Variants in FANCC observed in about 807,000 individuals in gnomAD.
The protein encoded by FANCC is FA complementation group C, also known as Fanconi anemia group C protein.
A neutral mutation model predicts 71.3 loss-of-function variants in FANCC; 55 were observed. The observed-to-expected ratio is 0.77, with a 90% CI of 0.62 to 0.97. The LOEUF (loss-of-function observed/expected upper bound fraction) is 0.97, where lower values mean the gene tolerates loss of function less well. Among genes scored for constraint, FANCC ranks in the 50% least tolerant of loss-of-function variants. The probability of loss-of-function intolerance (pLI) is 0.00; values close to 1 mark genes in which losing one functional copy is unlikely to be tolerated. For missense variants in FANCC, 678 were observed against 670.9 expected, an observed-to-expected ratio of 1.01 and a Z score of -0.12; for synonymous variants, 275 against 244.9, an observed-to-expected ratio of 1.12 and a Z score of -1.15.
chr9:95,272,625 G>A (rs905157229), intron 1 of FANCC, among the ~76,000 whole-genome samples: 6 of 152,138 alleles, frequency 3.9e-5, no homozygotes, highest in Non-Finnish European at 8.8e-5. Flanking sequence ...AACCCGAGAC[G>A]TGGAGGTTGC....
chr9:95,277,030 A>AT (rs1833080592), intron 1 of FANCC, among the ~76,000 whole-genome samples: 1 of 152,328 alleles, frequency 6.6e-6, no homozygotes, highest in Admixed American at 6.5e-5. Context: ...ATCGCTGAAA[A>AT]TATCAAATCC....
intron 13 of FANCC, chr9:95,107,645 G>GCAGT: frequency 2.6e-6 from 1 of 389,560 alleles, no homozygotes; most frequent in South Asian, 2.5e-5. Flanking sequence ...AAAGCCCCAC[G>GCAGT]CAGTCAGACC....
chr9:95,294,218 GC>G (rs1834237919), intron 1 of FANCC: 2 of 1,591,348 alleles, frequency 1.3e-6, no homozygotes, highest in Non-Finnish European at 1.7e-6. Context: ...CTCCCATCTG[GC>G]CCAGCCCAGA....
chr9:95,173,411 A>G (rs967114263), intron 4 of FANCC, among the ~76,000 whole-genome samples: 2 of 152,164 alleles, frequency 1.3e-5, no homozygotes, highest in African/African-American at 4.8e-5. Context: ...CCTTATAGAA[A>G]GCAACTTGAA....
chr9:95,305,385 T>C (rs1835015264), intron 1 of FANCC, among the ~76,000 whole-genome samples: 1 of 152,102 alleles, frequency 6.6e-6, no homozygotes, highest in South Asian at 2.1e-4. Flanking sequence ...AAGTGGAAAC[T>C]AAGAAGAAAA....
chr9:95,112,792 C>A (rs1318375328), intron 12 of FANCC, among the ~76,000 whole-genome samples: 1 of 152,220 alleles, frequency 6.6e-6, no homozygotes, highest in South Asian at 2.1e-4. Flanking sequence ...CATGTGGCCA[C>A]CTGAAAGGTA....
chr9:95,210,525 CACACAT>C (rs1044595050), intron 4 of FANCC, among the ~76,000 whole-genome samples: 2 of 152,154 alleles, frequency 1.3e-5, no homozygotes, highest in Non-Finnish European at 2.9e-5. Context: ...GCTTTACACA[CACACAT>C]ACACATACAC....
At chr9:95,315,476 C>T (rs1387067901) in intron 1 of FANCC, among the ~76,000 whole-genome samples, 1 of 152,198 alleles carries the variant, frequency 6.6e-6, no homozygotes. Context: ...CTTCCGCCTC[C>T]GCTTCCCAAA....
intron 4 of FANCC, among the ~76,000 whole-genome samples, chr9:95,174,244 G>A (rs1825871518): frequency 6.6e-6 from 1 of 152,110 alleles, no homozygotes; most frequent in South Asian, 2.1e-4. Context: ...CACTATGAAT[G>A]CTGTGTCTTC....
At chr9:95,162,416 T>C (rs1344922422) in intron 6 of FANCC, among the ~76,000 whole-genome samples, 2 of 152,242 alleles carry the variant, frequency 1.3e-5, no homozygotes, top group Non-Finnish European at 2.9e-5. Flanking sequence ...TCAATGAACA[T>C]GGGTGTGCAA....
rs142220731 is a variant in FANCC, at chr9:95,239,134, T to C, written c.345+1515A>G. 5.8e-3 allele frequency among the ~76,000 whole-genome samples: 890 copies of C among 152,288 alleles called. 40 individuals are homozygous for C. Among genetic ancestry groups the C allele is most frequent in the Admixed American group, 0.054 (824 of 15,292 alleles). On this transcript the variant is annotated intron_variant, in intron 4 of 14. Transcript: ENST00000289081. ...CTCCTAGCTGTTCTTCAGAATTCAA[T>C]TAACACGTCACCTGCCCCAGGAAAT... is the stretch of plus-strand genomic sequence containing the variant.
At chr9:95,307,420 C>T (rs900587087) in intron 1 of FANCC, among the ~76,000 whole-genome samples, 3 of 152,130 alleles carry the variant, frequency 2.0e-5, no homozygotes, top group Non-Finnish European at 4.4e-5. Flanking sequence ...AAAGGGTATA[C>T]AGTATCTTAC....
rs765579399 is a variant in FANCC, at chr9:95,111,238, A to G, written c.1329+225T>C. On this transcript the variant is annotated intron_variant, in intron 13 of 14. Transcript: ENST00000289081. ...AGAAGGGTCTTCGTTTTGCAGGAGA[A>G]TGGGCTGGCAGCGTCTCGTCTCTGG... 2.6e-6 allele frequency: 4 copies of G among 1,537,816 alleles called. No homozygotes were observed. The African/African-American group carries it at 5.5e-5, about 21-fold the overall frequency.
intron 10 of FANCC, 95 bp downstream of exon 10, chr9:95,124,991 T>A: frequency 1.9e-6 from 2 of 1,042,982 alleles, no homozygotes; most frequent in Non-Finnish European, 2.9e-6. Context: ...AAACAGTCCA[T>A]CAAAATTATT....
In FANCC at chr9:95,220,521, T is replaced by C. The variant is rs547832377; in HGVS notation, c.345+20128A>G. ...AAGAAAATGTGGCACATATACAGCA[T>C]GGAATACTATGCAGCCATACAAAAG... is the stretch of plus-strand genomic sequence containing the variant. On this transcript the variant is annotated intron_variant, in intron 4 of 14. Transcript: ENST00000289081. 4.6e-4 allele frequency among the ~76,000 whole-genome samples: 70 copies of C among 152,332 alleles called. No homozygotes were observed. In the South Asian group the frequency reaches 7.5e-3, roughly 16 times the overall value.
chr9:95,206,020 T>C (rs1163155239), intron 4 of FANCC, among the ~76,000 whole-genome samples: 1 of 152,218 alleles, frequency 6.6e-6, no homozygotes, highest in Non-Finnish European at 1.5e-5. Flanking sequence ...ATTTTCAGCT[T>C]TTGTGCTGAA....
intron 4 of FANCC, among the ~76,000 whole-genome samples, chr9:95,222,089 G>C (rs962970502): frequency 1.3e-5 from 2 of 150,728 alleles, no homozygotes; most frequent in Non-Finnish European, 1.5e-5. Flanking sequence ...AGCTACCTGG[G>C]AGGCTGAGGT....
At chr9:95,136,621 G>T (rs1827737251) in intron 7 of FANCC, among the ~76,000 whole-genome samples, 1 of 152,088 alleles carries the variant, frequency 6.6e-6, no homozygotes, top group African/African-American at 2.4e-5. Flanking sequence ...CCAGTAGCTG[G>T]GACTACAGGT....
intron 4 of FANCC, among the ~76,000 whole-genome samples, chr9:95,218,609 A>G (rs537237303): frequency 6.6e-6 from 1 of 152,348 alleles, no homozygotes; most frequent in Non-Finnish European, 1.5e-5. Context: ...AGATAACATT[A>G]CATGACTAAA....
Sources: allele counts gnomAD v4.1 joint callset (sites outside exome capture counted in the v4.1 genomes callset), GRCh38; gene constraint gnomAD v4.1.1; transcripts MANE v1.5; gene names NCBI Gene and HGNC (gene_info 2026-07-23, HGNC 2026-07-21).